SPOCK1: variants seen among roughly 807,000 people sequenced by gnomAD.
SPOCK1 encodes the protein testican-1.
A neutral mutation model predicts 55.3 loss-of-function variants in SPOCK1; 23 were observed. That is an observed-to-expected ratio of 0.42 (90% CI 0.30 to 0.59). The LOEUF (loss-of-function observed/expected upper bound fraction) is 0.59, where lower values mean the gene tolerates loss of function less well. Ranked by LOEUF, SPOCK1 falls within the 20% of genes least tolerant of loss-of-function variation. The pLI is 0.22. For missense variants in SPOCK1, 499 were observed against 552.5 expected, an observed-to-expected ratio of 0.90 and a Z score of 0.97; for synonymous variants, 226 against 221.0, an observed-to-expected ratio of 1.02 and a Z score of -0.20.
At chr5:137,316,337 A>G (rs1162775568) in intron 2 of SPOCK1, among the ~76,000 whole-genome samples, 1 of 152,224 alleles carries the variant, frequency 6.6e-6, no homozygotes, top group Non-Finnish European at 1.5e-5. Context: ...TTCAAATCAC[A>G]GCGGCTAGCT....
intron 2 of SPOCK1, among the ~76,000 whole-genome samples, chr5:137,406,516 C>T (rs1028465149): frequency 6.6e-6 from 1 of 152,316 alleles, no homozygotes; most frequent in Non-Finnish European, 1.5e-5. Flanking sequence ...AGAACTGTCA[C>T]CATCAGCAGA....
At chr5:137,025,953 T>A (rs1751666306) in intron 6 of SPOCK1, among the ~76,000 whole-genome samples, 1 of 152,284 alleles carries the variant, frequency 6.6e-6, no homozygotes, top group East Asian at 1.9e-4. Context: ...CAGGAATACA[T>A]TGCGAAGGAA....
At chr5:137,105,725 G>A (rs932752373) in intron 5 of SPOCK1, among the ~76,000 whole-genome samples, 5 of 152,178 alleles carry the variant, frequency 3.3e-5, no homozygotes, top group Non-Finnish European at 7.3e-5. Context: ...GTGCTCTCTC[G>A]CCTCCCTCAC....
intron 3 of SPOCK1, among the ~76,000 whole-genome samples, chr5:137,150,855 A>T (rs1369132579): frequency 6.6e-6 from 1 of 152,176 alleles, no homozygotes; most frequent in Non-Finnish European, 1.5e-5. Flanking sequence ...GCCTCAGATG[A>T]AGAGGTCACT....
chr5:137,366,132 G>T (rs2127168511), intron 2 of SPOCK1, among the ~76,000 whole-genome samples: 1 of 152,236 alleles, frequency 6.6e-6, no homozygotes, highest in Middle Eastern at 3.4e-3. Flanking sequence ...AAAAATCTGG[G>T]ATTTTTGCAC....
chr5:137,152,815 C>A (rs1754342314), intron 3 of SPOCK1, among the ~76,000 whole-genome samples: 1 of 152,184 alleles, frequency 6.6e-6, no homozygotes, highest in Non-Finnish European at 1.5e-5. Context: ...AACCCACAAA[C>A]CCTCAAACAT....
At chr5:137,162,294 C>T (rs1041556245) in intron 3 of SPOCK1, among the ~76,000 whole-genome samples, 12 of 151,876 alleles carry the variant, frequency 7.9e-5, no homozygotes, top group South Asian at 2.1e-4. Context: ...TGCACCACCA[C>T]GCCGGGCTAA....
chr5:137,169,291 T>C (rs958519146), intron 3 of SPOCK1, among the ~76,000 whole-genome samples: 1 of 152,142 alleles, frequency 6.6e-6, no homozygotes, highest in Admixed American at 6.6e-5. Context: ...AAGGTGACTA[T>C]TGTCAAAAAA....
chr5:137,183,899 C>G (rs1163723219), intron 3 of SPOCK1, among the ~76,000 whole-genome samples: 1 of 152,212 alleles, frequency 6.6e-6, no homozygotes, highest in Non-Finnish European at 1.5e-5. Flanking sequence ...TCACCCATCC[C>G]CCTCTATGCT....
At chr5:137,461,104 C>T (rs1303164213) in intron 2 of SPOCK1, among the ~76,000 whole-genome samples, 7 of 152,154 alleles carry the variant, frequency 4.6e-5, no homozygotes, top group African/African-American at 1.2e-4. Flanking sequence ...CCCAGGAGAG[C>T]GGGGACCTCT....
intron 2 of SPOCK1, among the ~76,000 whole-genome samples, chr5:137,304,479 G>A (rs905553172): frequency 1.3e-5 from 2 of 152,206 alleles, no homozygotes; most frequent in Non-Finnish European, 2.9e-5. Context: ...AATGTAAGCT[G>A]AGTTGTGCGG....
At chr5:137,397,733 T>C (rs1400691014) in intron 2 of SPOCK1, among the ~76,000 whole-genome samples, 2 of 152,138 alleles carry the variant, frequency 1.3e-5, no homozygotes, top group African/African-American at 4.8e-5. Context: ...CATGTCCTTC[T>C]CCATCAAGTG....
chr5:137,446,230 G>A (rs1753124467), intron 2 of SPOCK1, among the ~76,000 whole-genome samples: 1 of 152,188 alleles, frequency 6.6e-6, no homozygotes, highest in South Asian at 2.1e-4. Flanking sequence ...TGGGGAGACA[G>A]AAGCACCCAA....
chr5:137,494,347 C>A (rs1393806817), intron 2 of SPOCK1, among the ~76,000 whole-genome samples: 1 of 152,048 alleles, frequency 6.6e-6, no homozygotes, highest in Non-Finnish European at 1.5e-5. Flanking sequence ...AGGCTTGCAC[C>A]CCAAATCCAC....
intron 2 of SPOCK1, among the ~76,000 whole-genome samples, chr5:137,436,204 T>C (rs1190417003): frequency 6.6e-6 from 1 of 152,184 alleles, no homozygotes; most frequent in Non-Finnish European, 1.5e-5. Context: ...TGAGTCATTT[T>C]CCTCCAGTGA....
intron 2 of SPOCK1, among the ~76,000 whole-genome samples, chr5:137,375,090 T>TA (rs1462900857): frequency 1.3e-5 from 2 of 152,106 alleles, no homozygotes; most frequent in Non-Finnish European, 2.9e-5. Flanking sequence ...TGCTAATTTT[T>TA]AAAAAAATCA....
intron 2 of SPOCK1, among the ~76,000 whole-genome samples, chr5:137,339,083 C>T (rs1750356230): frequency 6.6e-6 from 1 of 152,148 alleles, no homozygotes; most frequent in African/African-American, 2.4e-5. Context: ...CCAGATTCTC[C>T]CCACACAGCA....
intron 6 of SPOCK1, among the ~76,000 whole-genome samples, chr5:137,048,872 A>G (rs1487216606): frequency 1.3e-5 from 1 of 74,476 alleles, no homozygotes; most frequent in African/African-American, 4.8e-5. Flanking sequence ...CTTGTCTATA[A>G]AGTATTTTAT....
In SPOCK1 at chr5:137,324,790, AG is replaced by A. The variant is rs201927746; in HGVS notation, c.187-57736del. On this transcript the variant is annotated intron_variant, in intron 2 of 10. Transcript: ENST00000394945. ...GTTATTTGTTTTTTTAACCACAATT[AG>A]GAAAAAAAAAAAGCTATACTTCCTG... is the stretch of plus-strand genomic sequence containing the variant. 4.4e-3 allele frequency among the ~76,000 whole-genome samples: 654 copies of A among 150,174 alleles called. 6 individuals are homozygous for A. Among genetic ancestry groups the A allele is most frequent in the African/African-American group, 0.015 (585 of 39,966 alleles).
Sources: allele counts gnomAD v4.1 joint callset (sites outside exome capture counted in the v4.1 genomes callset), GRCh38; gene constraint gnomAD v4.1.1; transcripts MANE v1.5; gene names NCBI Gene and HGNC (gene_info 2026-07-23, HGNC 2026-07-21).